The following NBEA variants were observed in gnomAD, a reference collection of about 807,000 sequenced individuals.
The protein encoded by NBEA is lysosomal-trafficking regulator 2.
NBEA carries 44 observed loss-of-function variants against 343.4 expected under a neutral mutation model. The observed-to-expected ratio is 0.13, with a 90% confidence interval of 0.10 to 0.16. The LOEUF (loss-of-function observed/expected upper bound fraction) is 0.16. Among genes scored for constraint, NBEA ranks in the 10% least tolerant of loss-of-function variants. NBEA has a pLI of 1.00. For missense variants in NBEA, 2,555 were observed against 3,631.3 expected (o/e 0.70, Z 7.62); for synonymous variants, 1,175 against 1,238.7 (o/e 0.95, Z 1.08).
intron 18 of NBEA, among the ~76,000 whole-genome samples, chr13:35,154,949 A>T (rs1409090160): frequency 6.6e-6 from 1 of 150,658 alleles, no homozygotes; most frequent in Non-Finnish European, 1.5e-5. Context: ...GATAAAGTGG[A>T]CCCCATCTTT....
Position 35,478,054 on chromosome 13 carries a change from C to T in NBEA, c.6585+5518C>T, listed in dbSNP as rs777418542. The stretch of plus-strand genomic sequence containing the variant: ...CAATTAAGAATATTTCCCGTCAAAT[C>T]CTATAACTCCCGGTAACATGTTTGT... On this transcript the variant is annotated intron_variant, in intron 41 of 58. Coordinates refer to ENST00000379939, the MANE Select transcript of NBEA (RefSeq NM_001385012.1). Among the ~76,000 whole-genome samples the T allele has an allele frequency of 9.2e-5, 14 of 152,254 alleles. No homozygotes were observed. The Middle Eastern group carries it at 0.01, about 111-fold the overall frequency.
intron 38 of NBEA, among the ~76,000 whole-genome samples, chr13:35,427,758 T>A (rs1163590232): frequency 6.6e-6 from 1 of 152,212 alleles, no homozygotes; most frequent in African/African-American, 2.4e-5. Flanking sequence ...CAGGCAGGCC[T>A]CCTTGAGCTG....
chr13:35,132,888 G>A (rs1299239985), intron 17 of NBEA, among the ~76,000 whole-genome samples: 4 of 152,086 alleles, frequency 2.6e-5, no homozygotes, highest in Non-Finnish European at 5.9e-5. Flanking sequence ...TTATAGTTCA[G>A]TAAAGCTAGT....
chr13:35,602,062 T>C (rs1398179229), intron 47 of NBEA, among the ~76,000 whole-genome samples: 1 of 152,160 alleles, frequency 6.6e-6, no homozygotes, highest in African/African-American at 2.4e-5. Context: ...GGTACCAAAA[T>C]AAATGTTACC....
chr13:35,332,149 A>G (rs909858015), intron 36 of NBEA, among the ~76,000 whole-genome samples: 1 of 152,084 alleles, frequency 6.6e-6, no homozygotes, highest in African/African-American at 2.4e-5. Context: ...ATACTGAGAT[A>G]AATAGATTTT....
At chr13:35,531,111 G>A (rs2078242176) in intron 41 of NBEA, among the ~76,000 whole-genome samples, 2 of 152,166 alleles carry the variant, frequency 1.3e-5, no homozygotes, top group South Asian at 4.2e-4. Context: ...CAAAAATGGA[G>A]TGCATTTGAA....
intron 49 of NBEA, among the ~76,000 whole-genome samples, chr13:35,634,956 C>A (rs1169227854): frequency 6.6e-6 from 1 of 151,960 alleles, no homozygotes; most frequent in Non-Finnish European, 1.5e-5. Context: ...CTTGCTACTA[C>A]AGAGAATTGA....
At chr13:35,369,426 G>T (rs1000358695) in intron 38 of NBEA, among the ~76,000 whole-genome samples, 7 of 151,758 alleles carry the variant, frequency 4.6e-5, no homozygotes, top group African/African-American at 1.7e-4. Context: ...TGTGAAAAAT[G>T]ACATTGGTGT....
intron 49 of NBEA, among the ~76,000 whole-genome samples, chr13:35,633,482 G>C (rs1444356922): frequency 1.3e-5 from 2 of 151,406 alleles, no homozygotes; most frequent in Non-Finnish European, 2.9e-5. Flanking sequence ...TGGATCACTA[G>C]GTCAGGAGTT....
At chr13:35,357,791 G>A (rs559621963) in intron 38 of NBEA, among the ~76,000 whole-genome samples, 2 of 152,138 alleles carry the variant, frequency 1.3e-5, no homozygotes, top group East Asian at 3.9e-4. Flanking sequence ...GGGATGAATA[G>A]TTTCTACTAA....
chr13:35,480,420 G>GA (rs1447421350), intron 41 of NBEA, among the ~76,000 whole-genome samples: 1 of 152,092 alleles, frequency 6.6e-6, no homozygotes, highest in Non-Finnish European at 1.5e-5. Context: ...CTTTCATCTG[G>GA]AAAAAAGGTA....
intron 39 of NBEA, among the ~76,000 whole-genome samples, chr13:35,448,883 A>C (rs534106383): frequency 6.6e-6 from 1 of 152,350 alleles, no homozygotes; most frequent in South Asian, 2.1e-4. Context: ...TAACACCTAT[A>C]CAGTGCAGTT....
chr13:35,140,509 A>AT (rs963188000), intron 17 of NBEA, among the ~76,000 whole-genome samples: 1 of 151,864 alleles, frequency 6.6e-6, no homozygotes, highest in East Asian at 1.9e-4. Flanking sequence ...TTAGCCCTGT[A>AT]TTTTTTTTAA....
At chr13:35,328,198 A>G (rs1195083632) in intron 36 of NBEA, among the ~76,000 whole-genome samples, 1 of 152,028 alleles carries the variant, frequency 6.6e-6, no homozygotes, top group Non-Finnish European at 1.5e-5. Flanking sequence ...AATATTCAAA[A>G]TCAGTTATAA....
At chr13:35,171,520 G>GGGCT in intron 26 of NBEA, 68 bp downstream of exon 26, 1 of 1,259,086 alleles carries the variant, frequency 7.9e-7, no homozygotes, top group South Asian at 1.9e-5. Flanking sequence ...AAGCACTATG[G>GGGCT]TACATAAAAT....
intron 16 of NBEA, among the ~76,000 whole-genome samples, chr13:35,122,811 T>C (rs898468564): frequency 7.2e-5 from 11 of 152,184 alleles, no homozygotes; most frequent in Admixed American, 2.6e-4. Flanking sequence ...GTTTAATCCT[T>C]CCTTCTGTAT....
chr13:35,282,079 A>ATT (rs1363106820), intron 34 of NBEA, among the ~76,000 whole-genome samples: 4 of 144,356 alleles, frequency 2.8e-5, no homozygotes, highest in Admixed American at 2.1e-4. Flanking sequence ...CGCCCGGCTA[A>ATT]TTTTTTTTTT....
At chr13:35,359,282 T>C (rs1380015403) in intron 38 of NBEA, among the ~76,000 whole-genome samples, 2 of 151,304 alleles carry the variant, frequency 1.3e-5, no homozygotes, top group Non-Finnish European at 2.9e-5. Context: ...TTCTCTTATC[T>C]TTTTTAACAC....
intron 10 of NBEA, among the ~76,000 whole-genome samples, chr13:35,089,991 A>T (rs1180155226): frequency 2.0e-5 from 3 of 151,114 alleles, no homozygotes; most frequent in African/African-American, 7.3e-5. Flanking sequence ...AGCGCACCAG[A>T]ATGGCACATG....
Sources: allele counts gnomAD v4.1 joint callset (sites outside exome capture counted in the v4.1 genomes callset), GRCh38; gene constraint gnomAD v4.1.1; transcripts MANE v1.5; gene names NCBI Gene and HGNC (gene_info 2026-07-23, HGNC 2026-07-21).